WDR4: variants seen among roughly 807,000 people sequenced by gnomAD.
WDR4 encodes WDR4 tRNA N7-guanosine methyltransferase non-catalytic subunit.
WDR4 carries 47 observed loss-of-function variants against 48.6 expected under a neutral mutation model. That is an observed-to-expected ratio of 0.97 (90% CI 0.77 to 1.23). The LOEUF (loss-of-function observed/expected upper bound fraction) is 1.23, where lower values mean the gene tolerates loss of function less well. Among genes scored for constraint, WDR4 ranks in the 50% most tolerant of loss-of-function variants. The probability of loss-of-function intolerance (pLI) is 0.00; values close to 1 mark genes in which losing one functional copy is unlikely to be tolerated. For missense variants in WDR4, 606 were observed against 551.6 expected, an observed-to-expected ratio of 1.10 and a Z score of -0.99; for synonymous variants, 268 against 230.0, an observed-to-expected ratio of 1.17 and a Z score of -1.49.
Position 42,849,749 on chromosome 21 carries a change from CA to C in WDR4, c.*299del, listed in dbSNP as rs2057768886. 2 of 331,968 alleles carry C rather than the reference CA, an allele frequency of 6.0e-6. No individual in the cohort carries two copies. Among genetic ancestry groups the C allele is most frequent in the Middle Eastern group, 8.6e-4 (1 of 1,168 alleles). The allele number at this position is 331,968 out of a possible 1,614,324, so 20.6% of individuals were successfully genotyped here. A position where few individuals can be genotyped will look rare whatever the true frequency, so the allele number is the denominator to read the frequency against. On this transcript the variant is annotated 3_prime_UTR_variant, in exon 11 of 11. Coordinates refer to ENST00000398208, the MANE Select transcript of WDR4 (RefSeq NM_018669.6). ...GGGCGGTATGAGAACAGGAGAAACA[CA>C]GACAGCTGCCGCCACCACCGGCTCA...
intron 1 of WDR4, among the ~76,000 whole-genome samples, chr21:42,877,138 A>AT (rs35841350): frequency 0.037 from 3,634 of 97,342 alleles, 232 homozygotes; most frequent in African/African-American, 0.13. Flanking sequence ...CCTGGCCCTA[A>AT]TTTTTTTTTT....
chr21:42,890,261 C>G, the WDR4 span, among the ~76,000 whole-genome samples: 1 of 151,422 alleles, frequency 6.6e-6, no homozygotes, highest in South Asian at 2.1e-4. Context: ...TTCGGCCAGG[C>G]ACGGTGGCTC....
downstream of WDR4, among the ~76,000 whole-genome samples, chr21:42,846,478 A>G (rs1161469953): frequency 6.6e-6 from 1 of 152,228 alleles, no homozygotes; most frequent in African/African-American, 2.4e-5. Flanking sequence ...ACACACGTGC[A>G]TTCAGTTGCT....
the WDR4 span, among the ~76,000 whole-genome samples, chr21:42,890,838 T>C: frequency 6.6e-6 from 1 of 152,228 alleles, no homozygotes; most frequent in Admixed American, 6.5e-5. Context: ...TTTATTTTAA[T>C]GCAGCACCTT....
chr21:42,854,880 G>A (rs2057945628), intron 7 of WDR4, among the ~76,000 whole-genome samples: 1 of 152,198 alleles, frequency 6.6e-6, no homozygotes, highest in African/African-American at 2.4e-5. Flanking sequence ...AAGCCAACAA[G>A]ATAGGTCAGA....
Position 42,862,815 on chromosome 21 carries a change from T to C in WDR4, c.454-421A>G, listed in dbSNP as rs1220001062. Among the ~76,000 whole-genome samples, 2 of 152,118 alleles carry C rather than the reference T, an allele frequency of 1.3e-5. No individual in the cohort carries two copies. The highest frequency in any genetic ancestry group is 1.5e-5 in the Non-Finnish European group (1 of 68,002). On this transcript the variant is annotated intron_variant, in intron 4 of 10. Transcript: ENST00000398208. This position sits in a 1 kb window ranked among gnomAD's most constrained non-coding sequence, Gnocchi z 4.3. ...CATCTGTCACCAAGTCCCAGTGAGG[T>C]TCCCTTTGATACCCCACACTCGCCA...
chr21:42,862,297 CAGA>C lies in WDR4; in HGVS notation c.548_550del (p.Phe183del). 6.2e-7 allele frequency: 1 copy of C among 1,609,338 alleles called. No individual in the cohort carries two copies. Among genetic ancestry groups the C allele is most frequent in the Non-Finnish European group, 8.5e-7 (1 of 1,178,368 alleles). ...GGGCACTCACTCTGTGTGCCCCAAG[CAGA>C]AGGACTCGATGCTATGGGGCGCCGC... is the stretch of plus-strand genomic sequence containing the variant. On this transcript the variant is annotated inframe_deletion, in exon 5 of 11. Coordinates refer to ENST00000398208, the MANE Select transcript of WDR4 (RefSeq NM_018669.6). The surrounding 1 kb of genome is among the most constrained non-coding windows in gnomAD (Gnocchi z 4.3).
chr21:42,872,262 T>C (rs1276079488), intron 3 of WDR4, among the ~76,000 whole-genome samples: 1 of 152,096 alleles, frequency 6.6e-6, no homozygotes, highest in Admixed American at 6.5e-5. Flanking sequence ...GTGCTAGGAT[T>C]ACAGGTGGGA....
intron 6 of WDR4, among the ~76,000 whole-genome samples, chr21:42,857,811 AATTATG>A (rs2058030299): frequency 6.6e-6 from 1 of 152,152 alleles, no homozygotes; most frequent in Non-Finnish European, 1.5e-5. Context: ...AAAAACAGAG[AATTATG>A]GCCCAGCATG....
At chr21:42,859,139 T>A (rs531529125) in intron 6 of WDR4, among the ~76,000 whole-genome samples, 11 of 150,994 alleles carry the variant, frequency 7.3e-5, no homozygotes, top group African/African-American at 2.7e-4. Flanking sequence ...GTAACCCGGG[T>A]GCGGGCGCTC....
At chr21:42,892,562 G>T in the WDR4 span, among the ~76,000 whole-genome samples, 1 of 84,928 alleles carries the variant, frequency 1.2e-5, no homozygotes, top group Non-Finnish European at 2.3e-5. Flanking sequence ...GGAAGCTGAA[G>T]GTGGCACGTC....
rs532885462 is a variant in WDR4, at chr21:42,843,283, T to C, written c.*9-2A>G. ...GGTCCACAGTCGACAGAAACAGACC[T>C]AGATATGACAGTAATAATGAATTAG... On this transcript the variant is annotated splice_acceptor_variant, in intron 11 of 11. Transcript: ENST00000330317. LOFTEE classifies it low-confidence loss of function (3UTR_SPLICE). 6.6e-6 allele frequency: 1 copy of C among 152,096 alleles called. No homozygotes were observed. The highest frequency in any genetic ancestry group is 1.5e-5 in the Non-Finnish European group (1 of 68,046). The allele number at this position is 152,096 out of a possible 1,614,324, so 9.4% of individuals were successfully genotyped here. A position where few individuals can be genotyped will look rare whatever the true frequency, so the allele number is the denominator to read the frequency against.
upstream of WDR4, chr21:42,883,475 C>T (rs939074164): frequency 3.8e-4 from 58 of 153,528 alleles, 1 homozygote; most frequent in Non-Finnish European, 1.3e-4. Flanking sequence ...TGTATGTCCA[C>T]CCCTGGAAAC....
intron 2 of WDR4, 60 bp downstream of exon 2, chr21:42,876,642 C>T (rs1300764183): frequency 2.0e-6 from 3 of 1,511,322 alleles, no homozygotes; most frequent in Non-Finnish European, 2.7e-6. Flanking sequence ...CTTCTTAGAC[C>T]CTCTGGTCCC....
At chr21:42,884,222 G>A (rs1173623732), upstream of WDR4, among the ~76,000 whole-genome samples, 4 of 152,202 alleles carry the variant, frequency 2.6e-5, no homozygotes, top group East Asian at 7.7e-4. Context: ...TGGCTATAAT[G>A]AATAATGGTG....
upstream of WDR4, chr21:42,879,994 G>A (rs921056446): frequency 1.8e-5 from 7 of 386,546 alleles, no homozygotes; most frequent in Non-Finnish European, 3.2e-5. Context: ...GTTGGGCGTG[G>A]TGGCGTGCGA....
rs948060760 is a variant in WDR4 at position 42,862,229 on chromosome 21, G to A, written c.566+53C>T. On this transcript the variant is annotated intron_variant, in intron 5 of 10. Transcript: ENST00000398208. The surrounding 1 kb of genome is among the most constrained non-coding windows in gnomAD (Gnocchi z 4.3). ...GGCACCTGCTGAGCCGCAAGCTGAC[G>A]CTGTTTTCAAACAGACCTTCTTTCT... 1.4e-5 allele frequency: 21 copies of A among 1,475,760 alleles called. 1 individual carries two copies. The East Asian group carries it at 1.7e-4, about 12-fold the overall frequency. 91.4% of individuals were successfully genotyped at this position (1,475,760 alleles called of 1,614,324 possible).
At chr21:42,877,868 C>A (rs1426362811) in intron 1 of WDR4, among the ~76,000 whole-genome samples, 1 of 151,788 alleles carries the variant, frequency 6.6e-6, no homozygotes, top group Non-Finnish European at 1.5e-5. Context: ...CACAGTGAAA[C>A]CCCCATCTCC....
chr21:42,878,871 G>T, intron 1 of WDR4: 1 of 818,460 alleles, frequency 1.2e-6, no homozygotes, highest in Non-Finnish European at 1.5e-6. Flanking sequence ...GGAGCCCTAA[G>T]GAGCAATTAA....
Sources: allele counts gnomAD v4.1 joint callset (sites outside exome capture counted in the v4.1 genomes callset), GRCh38; gene constraint gnomAD v4.1.1; non-coding constraint Gnocchi (gnomAD v3.1); transcripts MANE v1.5; gene names NCBI Gene and HGNC (gene_info 2026-07-23, HGNC 2026-07-21).